TECRL: variants seen among roughly 807,000 people sequenced by gnomAD.
TECRL encodes trans-2,3-enoyl-CoA reductase-like.
TECRL carries 63 observed loss-of-function variants against 52.8 expected under a neutral mutation model. The ratio of observed to expected loss-of-function variants is 1.19; its 90% CI spans 0.97 to 1.47. The LOEUF (loss-of-function observed/expected upper bound fraction) is 1.47, where lower values mean the gene tolerates loss of function less well. Ranked by LOEUF, TECRL falls within the 40% of genes most tolerant of loss-of-function variation. The probability of loss-of-function intolerance (pLI) is 0.00; values close to 1 mark genes in which losing one functional copy is unlikely to be tolerated. For missense variants in TECRL, 482 were observed against 429.6 expected (o/e 1.12, Z -1.08); for synonymous variants, 164 against 141.9 (o/e 1.16, Z -1.10).
At chr4:64,345,229 C>T (rs1164147878) in intron 2 of TECRL, among the ~76,000 whole-genome samples, 1 of 152,138 alleles carries the variant, frequency 6.6e-6, no homozygotes, top group African/African-American at 2.4e-5. Context: ...ATAAATCATG[C>T]TGCTATAAAG....
At chr4:64,304,104 T>C (rs1724184600) in intron 7 of TECRL, among the ~76,000 whole-genome samples, 1 of 151,944 alleles carries the variant, frequency 6.6e-6, no homozygotes, top group African/African-American at 2.4e-5. Flanking sequence ...CAAAATTAAC[T>C]ACTATTATTA....
intron 2 of TECRL, among the ~76,000 whole-genome samples, chr4:64,330,732 C>T (rs536615422): frequency 1.3e-5 from 2 of 152,074 alleles, no homozygotes; most frequent in South Asian, 2.1e-4. Context: ...TATAGCTGAT[C>T]CTCCCCCCAA....
chr4:64,341,971 T>C (rs183607001), intron 2 of TECRL, among the ~76,000 whole-genome samples: 8 of 152,240 alleles, frequency 5.3e-5, no homozygotes, highest in Admixed American at 2.6e-4. Flanking sequence ...TGACTTCAGT[T>C]TCCCTTCGAG....
chr4:64,356,820 C>T (rs1007597389), intron 2 of TECRL, among the ~76,000 whole-genome samples: 2 of 152,142 alleles, frequency 1.3e-5, no homozygotes, highest in African/African-American at 4.8e-5. Context: ...AGTCTCTCAT[C>T]CCACCTGATG....
At chr4:64,345,907 C>CAAAAAAAAAAAAA (rs777171822) in intron 2 of TECRL, among the ~76,000 whole-genome samples, 568 of 23,346 alleles carry the variant, frequency 0.024, 244 homozygotes, top group South Asian at 0.037. Context: ...GCCTCAACAG[C>CAAAAAAAAAAAAA]AAAAAAAAAA....
chr4:64,326,182 G>A (rs1346242384), intron 3 of TECRL, among the ~76,000 whole-genome samples: 1 of 152,094 alleles, frequency 6.6e-6, no homozygotes, highest in East Asian at 1.9e-4. Flanking sequence ...TATAAAGGAT[G>A]TGGATGGAGC....
chr4:64,277,368 A>G (rs1722608818), downstream of TECRL, among the ~76,000 whole-genome samples: 1 of 151,974 alleles, frequency 6.6e-6, no homozygotes, highest in South Asian at 2.1e-4. Context: ...TTGATCATAT[A>G]GCTGCATTAG....
intron 8 of TECRL, among the ~76,000 whole-genome samples, chr4:64,297,509 C>T (rs1185855082): frequency 6.6e-6 from 1 of 150,790 alleles, no homozygotes; most frequent in Non-Finnish European, 1.5e-5. Context: ...AAGATCGATC[C>T]ATTAATTTCT....
chr4:64,297,834 C>T (rs190838083), intron 8 of TECRL, among the ~76,000 whole-genome samples: 99 of 151,094 alleles, frequency 6.6e-4, no homozygotes, highest in African/African-American at 2.3e-3. Context: ...GATTCAGTTT[C>T]CTAACACTAA....
intron 1 of TECRL, among the ~76,000 whole-genome samples, chr4:64,378,484 C>A (rs891302164): frequency 2.0e-5 from 3 of 151,894 alleles, no homozygotes; most frequent in African/African-American, 4.8e-5. Context: ...CAGAGGGAGA[C>A]CCTGTCTCAA....
chr4:64,393,072 A>G (rs1723657267), intron 1 of TECRL, among the ~76,000 whole-genome samples: 1 of 151,958 alleles, frequency 6.6e-6, no homozygotes. Context: ...AAGTCCCAGA[A>G]TCTGGAAATA....
At chr4:64,374,052 C>CATATATATATATATAT (rs77300773) in intron 2 of TECRL, among the ~76,000 whole-genome samples, 9 of 105,982 alleles carry the variant, frequency 8.5e-5, no homozygotes, top group African/African-American at 2.9e-4. Context: ...ATAGTAGATA[C>CATATATATATATATAT]ATATATATAT....
At chr4:64,306,999 G>A (rs997076416) in intron 6 of TECRL, among the ~76,000 whole-genome samples, 3 of 152,114 alleles carry the variant, frequency 2.0e-5, no homozygotes, top group Admixed American at 6.5e-5. Context: ...TATGTCTGGG[G>A]GAGCCCTAAT....
intron 1 of TECRL, 91 bp from the exon 2 acceptor site, chr4:64,375,314 A>G (rs1435432722): frequency 1.6e-6 from 1 of 607,266 alleles, no homozygotes; most frequent in Non-Finnish European, 2.7e-6. Flanking sequence ...ATATCATAAA[A>G]TTCTTACACA....
chr4:64,289,591 T>C, intron 9 of TECRL, 119 bp downstream of exon 9: 4 of 753,056 alleles, frequency 5.3e-6, no homozygotes, highest in Admixed American at 7.7e-5. Context: ...GGAAAAAATG[T>C]GGCACATGTA....
chr4:64,396,420 T>G (rs2109764213), intron 1 of TECRL, among the ~76,000 whole-genome samples: 1 of 152,276 alleles, frequency 6.6e-6, no homozygotes, highest in African/African-American at 2.4e-5. Flanking sequence ...CTCTAATGAT[T>G]AGTAATGTTG....
At chr4:64,352,810 ATT>A (rs2109579870) in intron 2 of TECRL, among the ~76,000 whole-genome samples, 1 of 152,334 alleles carries the variant, frequency 6.6e-6, no homozygotes, top group East Asian at 1.9e-4. Flanking sequence ...TTCGATGCTC[ATT>A]ATTTACAGTA....
chr4:64,372,276 T>G (rs1293118718), intron 2 of TECRL, among the ~76,000 whole-genome samples: 1 of 151,800 alleles, frequency 6.6e-6, no homozygotes, highest in Non-Finnish European at 1.5e-5. Flanking sequence ...CTGGGGACAT[T>G]TCATGCATTT....
intron 9 of TECRL, among the ~76,000 whole-genome samples, chr4:64,288,163 A>AT (rs1723177574): frequency 6.6e-6 from 1 of 151,818 alleles, no homozygotes; most frequent in African/African-American, 2.4e-5. Flanking sequence ...AAAAAAAAAA[A>AT]GAAAAGAAAT....
Sources: allele counts gnomAD v4.1 joint callset (sites outside exome capture counted in the v4.1 genomes callset), GRCh38; gene constraint gnomAD v4.1.1; transcripts MANE v1.5; gene names NCBI Gene and HGNC (gene_info 2026-07-23, HGNC 2026-07-21).